The following THSD7A variants were observed in gnomAD, a reference collection of about 807,000 sequenced individuals.
THSD7A encodes the protein thrombospondin type 1 domain containing 7A.
THSD7A carries 96 observed loss-of-function variants against 231.3 expected under a neutral mutation model. The observed-to-expected ratio is 0.41, with a 90% CI of 0.35 to 0.49. The LOEUF is 0.49. Among genes scored for constraint, THSD7A ranks in the 20% least tolerant of loss-of-function variants. THSD7A has a pLI of 0.05. For missense variants in THSD7A, 2,290 were observed against 2,070.2 expected, an observed-to-expected ratio of 1.11 and a Z score of -2.06; for synonymous variants, 940 against 743.3, an observed-to-expected ratio of 1.26 and a Z score of -4.30.
chr7:11,636,862 G>T lies in THSD7A; in HGVS notation c.290C>A (p.Thr97Asn), dbSNP rs377634361. 1.2e-6 allele frequency: 2 copies of T among 1,613,820 alleles called. No homozygotes were observed. The highest frequency in any genetic ancestry group is 2.7e-5 in the African/African-American group (2 of 74,904). The change falls in exon 2 of 28, where the codon ACT becomes AAT. Residue 97 changes from threonine to asparagine, a missense_variant. By Grantham distance (65) the Thr-to-Asn change is moderately conservative. Coordinates refer to ENST00000423059, the MANE Select transcript of THSD7A (RefSeq NM_015204.3). This position sits in a 1 kb window ranked among gnomAD's most constrained non-coding sequence, Gnocchi z 10.0. ...GGGTCTCTCGGCCTGCTTACAGTTA[G>T]TATGCAGTGTAGTCCATCCCTCCAC... The part of the protein sequence containing the change: ...AHVEGWTTLH[T>N]NCKQAERPNN...
At chr7:11,467,210 T>C (rs1349353754) in intron 9 of THSD7A, among the ~76,000 whole-genome samples, 2 of 152,116 alleles carry the variant, frequency 1.3e-5, no homozygotes, top group Non-Finnish European at 2.9e-5. Context: ...AATTCTTTCA[T>C]GTGGTTCATC....
At chr7:11,424,089 C>T (rs953012795) in intron 16 of THSD7A, among the ~76,000 whole-genome samples, 14 of 152,172 alleles carry the variant, frequency 9.2e-5, no homozygotes, top group African/African-American at 1.9e-4. Flanking sequence ...TGTATGTCTG[C>T]GCTCTCCAAC....
intron 4 of THSD7A, among the ~76,000 whole-genome samples, chr7:11,583,285 T>C (rs1791247437): frequency 6.6e-6 from 1 of 152,166 alleles, no homozygotes; most frequent in South Asian, 2.1e-4. Context: ...TGTGATTTTT[T>C]GTTTGTTTTG....
chr7:11,750,430 T>C (rs1782460466), intron 1 of THSD7A, among the ~76,000 whole-genome samples: 1 of 151,890 alleles, frequency 6.6e-6, no homozygotes, highest in African/African-American at 2.4e-5. Context: ...GAAGTCCTAG[T>C]CTCCAAATTC....
intron 4 of THSD7A, among the ~76,000 whole-genome samples, chr7:11,574,461 G>A (rs1790793208): frequency 2.0e-5 from 3 of 149,166 alleles, no homozygotes; most frequent in Non-Finnish European, 4.4e-5. Flanking sequence ...TTGAGACAGA[G>A]TTTCGCTCTG....
At chr7:11,479,172 T>G (rs1786322174) in intron 7 of THSD7A, among the ~76,000 whole-genome samples, 1 of 152,156 alleles carries the variant, frequency 6.6e-6, no homozygotes, top group African/African-American at 2.4e-5. Context: ...TAAAGCTTTG[T>G]TCTTTAAGCT....
At chr7:11,490,212 G>C (rs10486136) in intron 6 of THSD7A, among the ~76,000 whole-genome samples, 19,992 of 151,998 alleles carry the variant, frequency 0.13, 1,476 homozygotes, top group Middle Eastern at 0.18. Flanking sequence ...TATCACATTT[G>C]ACTTCATTCC....
chr7:11,660,556 A>G (rs1407010032), intron 1 of THSD7A, among the ~76,000 whole-genome samples: 1 of 151,470 alleles, frequency 6.6e-6, no homozygotes, highest in Non-Finnish European at 1.5e-5. Flanking sequence ...ACAGAAACAC[A>G]TACAAATGTA....
intron 1 of THSD7A, among the ~76,000 whole-genome samples, chr7:11,646,575 A>C (rs1354659160): frequency 1.3e-5 from 2 of 152,020 alleles, no homozygotes; most frequent in African/African-American, 4.8e-5. Context: ...TGAAATGGAC[A>C]AAACTTTTTA....
At chr7:11,557,184 G>A (rs570702460) in intron 4 of THSD7A, among the ~76,000 whole-genome samples, 10 of 151,594 alleles carry the variant, frequency 6.6e-5, no homozygotes, top group Admixed American at 1.3e-4. Flanking sequence ...TGTGTTGTTC[G>A]GATTAGGTAA....
chr7:11,500,833 G>A (rs1583857630), intron 6 of THSD7A, among the ~76,000 whole-genome samples: 1 of 152,024 alleles, frequency 6.6e-6, no homozygotes, highest in East Asian at 1.9e-4. Flanking sequence ...CTACTTGGGA[G>A]GCTGAGGCAG....
intron 1 of THSD7A, among the ~76,000 whole-genome samples, chr7:11,799,154 C>T (rs1784210125): frequency 6.6e-6 from 1 of 152,116 alleles, no homozygotes; most frequent in Admixed American, 6.5e-5. Flanking sequence ...ATCTCTTGAC[C>T]TCATGATCCA....
chr7:11,653,789 A>G (rs1782605154), intron 1 of THSD7A, among the ~76,000 whole-genome samples: 1 of 151,834 alleles, frequency 6.6e-6, no homozygotes, highest in African/African-American at 2.4e-5. Flanking sequence ...TTGCCAAGAA[A>G]ACCCATCGTA....
Position 11,417,612 on chromosome 7 carries a change from G to C in THSD7A, c.3384-9C>G. ...CTGTATTCTGCATGCATCTAGAAAA[G>C]AACATAAACATATTCTAGAAAATAT... On this transcript the variant is annotated splice_polypyrimidine_tract_variant and intron_variant, in intron 16 of 27. Coordinates refer to ENST00000423059, the MANE Select transcript of THSD7A (RefSeq NM_015204.3). 6.3e-7 allele frequency: 1 copy of C among 1,592,260 alleles called. No homozygotes were observed. The highest frequency in any genetic ancestry group is 8.5e-7 in the Non-Finnish European group (1 of 1,174,246).
At chr7:11,729,434 T>C (rs1781653092) in intron 1 of THSD7A, among the ~76,000 whole-genome samples, 1 of 151,678 alleles carries the variant, frequency 6.6e-6, no homozygotes, top group Non-Finnish European at 1.5e-5. Flanking sequence ...TCCTGGACAA[T>C]AAATGCAGGA....
At chr7:11,705,086 AGAGG>A (rs1780721720) in intron 1 of THSD7A, among the ~76,000 whole-genome samples, 1 of 151,062 alleles carries the variant, frequency 6.6e-6, no homozygotes, top group Admixed American at 6.6e-5. Flanking sequence ...TTATATAGAG[AGAGG>A]AAGAATAAAA....
intron 1 of THSD7A, among the ~76,000 whole-genome samples, chr7:11,653,128 C>G (rs1782570677): frequency 6.6e-6 from 1 of 151,876 alleles, no homozygotes; most frequent in Non-Finnish European, 1.5e-5. Context: ...AACAACCCTG[C>G]CATACAGGTT....
chr7:11,494,276 G>T (rs1787011292), intron 6 of THSD7A, among the ~76,000 whole-genome samples: 1 of 151,878 alleles, frequency 6.6e-6, no homozygotes, highest in Non-Finnish European at 1.5e-5. Flanking sequence ...TAAATACTTT[G>T]TTAAATACTA....
chr7:11,491,105 A>T (rs543368019), intron 6 of THSD7A, among the ~76,000 whole-genome samples: 63 of 152,204 alleles, frequency 4.1e-4, no homozygotes, highest in Middle Eastern at 3.4e-3. Context: ...GGACTTGTGG[A>T]AAGTTACAGG....
Sources: allele counts gnomAD v4.1 joint callset (sites outside exome capture counted in the v4.1 genomes callset), GRCh38; gene constraint gnomAD v4.1.1; non-coding constraint Gnocchi (gnomAD v3.1); transcripts MANE v1.5; gene names NCBI Gene and HGNC (gene_info 2026-07-23, HGNC 2026-07-21).